TNNI3K: variants seen among roughly 807,000 people sequenced by gnomAD.
The protein encoded by TNNI3K is TNNI3 interacting kinase.
TNNI3K carries 140 observed loss-of-function variants against 114.5 expected under a neutral mutation model. That is an observed-to-expected ratio of 1.22 (90% CI 1.07 to 1.41). The LOEUF (loss-of-function observed/expected upper bound fraction) is 1.41, where lower values mean the gene tolerates loss of function less well. Among genes scored for constraint, TNNI3K ranks in the 40% most tolerant of loss-of-function variants. TNNI3K has a pLI of 0.00. For missense variants in TNNI3K, 1,125 were observed against 1,007.6 expected, an observed-to-expected ratio of 1.12 and a Z score of -1.58; for synonymous variants, 347 against 347.5, an observed-to-expected ratio of 1.00 and a Z score of 0.02.
At chr1:74,488,221 G>C (rs1181921345) in intron 21 of TNNI3K, among the ~76,000 whole-genome samples, 1 of 152,166 alleles carries the variant, frequency 6.6e-6, no homozygotes, top group Non-Finnish European at 1.5e-5. Context: ...AAGTAGCAGT[G>C]ACAGCAAGGA....
At position 74,236,224 on chromosome 1, in the gene TNNI3K, A is replaced by C; in HGVS notation, c.149+14A>C. The C allele has an allele frequency of 6.3e-7, 1 of 1,594,172 alleles. No individual in the cohort carries two copies. The highest frequency in any genetic ancestry group is 8.6e-7 in the Non-Finnish European group (1 of 1,167,816). On this transcript the variant is annotated intron_variant, in intron 2 of 24. Coordinates refer to ENST00000326637, the MANE Select transcript of TNNI3K (RefSeq NM_015978.3). ...GAATATATTTGGGTAAAGTTGTAAG[A>C]GTCATTATTTCTTTGTATAAGTGTC...
rs200290717 is a variant in TNNI3K, at chr1:74,250,809, A to G, written c.333+40A>G. On this transcript the variant is annotated intron_variant, in intron 4 of 24. Coordinates refer to ENST00000326637, the MANE Select transcript of TNNI3K (RefSeq NM_015978.3). ...TTCCCATAAACACTGCATTGGAACTAAGGATAGTGTGTATCTTTAGGCTTT... is the reference window on the plus strand; with the variant it reads ...TTCCCATAAACACTGCATTGGAACTGAGGATAGTGTGTATCTTTAGGCTTT... 98 of 1,480,044 alleles carry G rather than the reference A, an allele frequency of 6.6e-5. No homozygotes were observed. The Middle Eastern group carries it at 1.6e-3, about 24-fold the overall frequency. 91.7% of individuals were successfully genotyped at this position (1,480,044 alleles called of 1,614,324 possible).
chr1:74,390,657 G>A (rs934831775), intron 17 of TNNI3K, among the ~76,000 whole-genome samples: 1 of 152,128 alleles, frequency 6.6e-6, no homozygotes, highest in African/African-American at 2.4e-5. Context: ...GAAGCATACA[G>A]ATTACAAGTG....
chr1:74,343,109 G>A lies in TNNI3K; in HGVS notation c.862G>A (p.Glu288Lys), dbSNP rs749356604. ...CAATGGCAAATTTGAAGTTGCCAAGGAAATCATCCAAATATCAGGAACAGA... is the reference window on the plus strand; with the variant it reads ...CAATGGCAAATTTGAAGTTGCCAAGAAAATCATCCAAATATCAGGAACAGA... ...CYNGKFEVAK[E>K]IIQISGTESL... is the part of the protein sequence containing the mutation. Residue 288 changes from glutamate to lysine, a missense_variant, in exon 9 of 25, where the codon GAA (glutamate) becomes AAA (lysine). Transcript: ENST00000326637. 11 of 1,613,286 alleles carry A rather than the reference G, an allele frequency of 6.8e-6. No individual in the cohort carries two copies. The African/African-American group carries it at 1.1e-4, about 16-fold the overall frequency.
Position 74,543,094 on chromosome 1 carries a change from G to A in TNNI3K, c.2432-812G>A, listed in dbSNP as rs113758344. ...TTTTTTTTTTTTTTTTTTTTTTTTT[G>A]AGATGGAGTCTTGCTCTGTTGCTAG... On this transcript the variant is annotated intron_variant, in intron 24 of 24. Transcript: ENST00000326637. Among the ~76,000 whole-genome samples, 19 of 58,670 alleles carry A rather than the reference G, an allele frequency of 3.2e-4. 1 individual carries two copies. Among genetic ancestry groups the A allele is most frequent in the African/African-American group, 1.1e-3 (19 of 17,318 alleles). The allele number at this position is 58,670 out of a possible 152,430, so 38.5% of individuals were successfully genotyped here. A position where few individuals can be genotyped will look rare whatever the true frequency, so the allele number is the denominator to read the frequency against.
At chr1:74,328,158 C>T (rs1219219598) in intron 5 of TNNI3K, among the ~76,000 whole-genome samples, 1 of 151,976 alleles carries the variant, frequency 6.6e-6, no homozygotes, top group Non-Finnish European at 1.5e-5. Flanking sequence ...ATATACCTTC[C>T]AAATTTGTAC....
chr1:74,256,906 C>G (rs534216771), intron 4 of TNNI3K, among the ~76,000 whole-genome samples: 34 of 152,080 alleles, frequency 2.2e-4, no homozygotes, highest in African/African-American at 7.9e-4. Flanking sequence ...TTATAATAAT[C>G]CTACATATGG....
intron 11 of TNNI3K, among the ~76,000 whole-genome samples, chr1:74,359,580 T>C (rs1661845543): frequency 6.6e-6 from 1 of 151,970 alleles, no homozygotes; most frequent in South Asian, 2.1e-4. Context: ...GCCTCAGAAC[T>C]GAAGCAAAAT....
intron 11 of TNNI3K, among the ~76,000 whole-genome samples, chr1:74,356,817 C>T (rs1011025222): frequency 2.0e-5 from 3 of 152,200 alleles, no homozygotes; most frequent in African/African-American, 7.2e-5. Flanking sequence ...CCACTGGCCT[C>T]TTCAACATAT....
At chr1:74,530,511 T>C (rs551843854) in intron 23 of TNNI3K, among the ~76,000 whole-genome samples, 1 of 152,254 alleles carries the variant, frequency 6.6e-6, no homozygotes, top group South Asian at 2.1e-4. Flanking sequence ...TTTCCCACTG[T>C]CCTTAAAAAT....
intron 17 of TNNI3K, among the ~76,000 whole-genome samples, chr1:74,381,805 C>A (rs145517845): frequency 2.3e-3 from 344 of 152,304 alleles, no homozygotes; most frequent in African/African-American, 7.1e-3. Context: ...CTCAGTGATT[C>A]TTCTTCCTAG....
At chr1:74,427,719 T>C (rs1489229433) in intron 17 of TNNI3K, among the ~76,000 whole-genome samples, 1 of 152,126 alleles carries the variant, frequency 6.6e-6, no homozygotes, top group African/African-American at 2.4e-5. Flanking sequence ...GCAGTTTGCA[T>C]ACCTAAGATT....
At chr1:74,296,130 G>A (rs1429995823) in intron 5 of TNNI3K, among the ~76,000 whole-genome samples, 3 of 151,994 alleles carry the variant, frequency 2.0e-5, no homozygotes, top group East Asian at 3.9e-4. Flanking sequence ...CAAAAAATTA[G>A]CCGGGCGAGG....
intron 9 of TNNI3K, among the ~76,000 whole-genome samples, chr1:74,351,701 C>T (rs1382458061): frequency 6.6e-6 from 1 of 152,166 alleles, no homozygotes; most frequent in Non-Finnish European, 1.5e-5. Context: ...TCTCTTCACA[C>T]TTCATTTCAT....
At chr1:74,432,294 T>A (rs1665937805) in intron 17 of TNNI3K, among the ~76,000 whole-genome samples, 1 of 152,136 alleles carries the variant, frequency 6.6e-6, no homozygotes, top group African/African-American at 2.4e-5. Context: ...TCCACGAATG[T>A]TACAATGCTC....
At chr1:74,261,338 A>T (rs1234666221) in intron 4 of TNNI3K, among the ~76,000 whole-genome samples, 3 of 152,074 alleles carry the variant, frequency 2.0e-5, no homozygotes, top group Non-Finnish European at 2.9e-5. Context: ...AGTATATATT[A>T]TACTTTGGGT....
chr1:74,472,277 T>G (rs1348504562), intron 21 of TNNI3K: 3 of 675,214 alleles, frequency 4.4e-6, no homozygotes, highest in African/African-American at 1.8e-5. Flanking sequence ...CGTAGAAACC[T>G]TATGAAAAGT....
chr1:74,484,123 C>T (rs1668635593), intron 21 of TNNI3K, among the ~76,000 whole-genome samples: 1 of 150,790 alleles, frequency 6.6e-6, no homozygotes, highest in African/African-American at 2.5e-5. Context: ...TATTTTAAAG[C>T]TTTCTCAACC....
At chr1:74,445,906 G>A (rs1054990009) in intron 20 of TNNI3K, among the ~76,000 whole-genome samples, 12 of 152,194 alleles carry the variant, frequency 7.9e-5, no homozygotes, top group African/African-American at 2.2e-4. Flanking sequence ...CACCGTGCCC[G>A]GCCGTTCCAC....
Sources: allele counts gnomAD v4.1 joint callset (sites outside exome capture counted in the v4.1 genomes callset), GRCh38; gene constraint gnomAD v4.1.1; transcripts MANE v1.5; gene names NCBI Gene and HGNC (gene_info 2026-07-23, HGNC 2026-07-21).